The following SH3D21 variants were observed in gnomAD, a reference collection of about 807,000 sequenced individuals.
SH3D21 encodes manchette microtubule inner protein 1, also known as SH3 domain-containing protein 21.
Under a neutral mutation model 82.1 loss-of-function variants are expected in SH3D21, and 83 were observed. The ratio of observed to expected loss-of-function variants is 1.01; its 90% CI spans 0.85 to 1.21. The LOEUF (loss-of-function observed/expected upper bound fraction) is 1.21, where lower values mean the gene tolerates loss of function less well. Among genes scored for constraint, SH3D21 ranks in the 50% most tolerant of loss-of-function variants. The pLI, the probability that SH3D21 is intolerant of heterozygous loss-of-function variation, is 0.00. For missense variants in SH3D21, 980 were observed against 962.1 expected, an observed-to-expected ratio of 1.02 and a Z score of -0.25; for synonymous variants, 383 against 387.8, an observed-to-expected ratio of 0.99 and a Z score of 0.15.
chr1:36,328,385 C>A (rs1387842411), downstream of SH3D21: 2 of 345,882 alleles, frequency 5.8e-6, no homozygotes, highest in Non-Finnish European at 1.1e-5. Flanking sequence ...GAGGGAGACT[C>A]ACCGGGGGCC....
At chr1:36,311,203 C>T (rs542467886) in intron 10 of SH3D21, among the ~76,000 whole-genome samples, 3 of 151,900 alleles carry the variant, frequency 2.0e-5, no homozygotes, top group Admixed American at 1.3e-4. Flanking sequence ...GCCACCGTGC[C>T]TGGCTGAGAT....
At chr1:36,327,862 C>G (rs760297413), downstream of SH3D21, 11 of 1,289,782 alleles carry the variant, frequency 8.5e-6, 1 homozygote, top group South Asian at 1.4e-4. Context: ...TCCACATGCC[C>G]TCCCCACCCC....
At chr1:36,324,330 C>T (rs1342917041), downstream of SH3D21, 1 of 152,276 alleles carries the variant, frequency 6.6e-6, no homozygotes, top group Non-Finnish European at 1.5e-5. Flanking sequence ...AGATCCCACC[C>T]CATCCCGTCC....
Position 36,320,695 on chromosome 1 carries a change from C to A in SH3D21, c.2032C>A (p.Gln678Lys). 1 of 1,614,168 alleles carries A rather than the reference C, an allele frequency of 6.2e-7. No homozygotes were observed. Among genetic ancestry groups the A allele is most frequent in the Non-Finnish European group, 8.5e-7 (1 of 1,180,018 alleles). The change falls in exon 14 of 16, where the codon CAA (glutamine) becomes AAA (lysine). Residue 678 changes from glutamine (Q) to lysine (K), a missense_variant. By Grantham distance (53) the Gln-to-Lys change is moderately conservative (BLOSUM62 1). Coordinates refer to ENST00000453908, the MANE Select transcript of SH3D21 (RefSeq NM_001162530.2). The stretch of plus-strand genomic sequence containing the variant: ...GCTCGCGCTCCCCTCGCTGGTCCCG[C>A]AAAACTACACGGAAAACAAGAATGA... Reference protein sequence around the residue: ...ETLALPSLVPQNYTENKNEGV... With the variant: ...ETLALPSLVPKNYTENKNEGV...
chr1:36,322,191 A>G, downstream of SH3D21: 1 of 1,369,146 alleles, frequency 7.3e-7, no homozygotes, highest in Non-Finnish European at 9.5e-7. Context: ...GCCCAGTAGC[A>G]CCTGGGAGCT....
At chr1:36,318,826 G>A (rs781572564) in intron 10 of SH3D21, among the ~76,000 whole-genome samples, 13 of 151,660 alleles carry the variant, frequency 8.6e-5, no homozygotes, top group Non-Finnish European at 1.2e-4. Flanking sequence ...GAAGAATGGC[G>A]TGAACCAGGG....
At position 36,308,452 on chromosome 1, in the gene SH3D21, A is replaced by G. The variant is rs779411705; in HGVS notation, c.703A>G (p.Asn235Asp). 1.8e-5 allele frequency: 28 copies of G among 1,551,654 alleles called. 1 individual carries two copies. The South Asian group carries it at 2.9e-4, about 16-fold the overall frequency. ...CQGRRGVFPD[N>D]FVLPPPPIKK... ...AGGACGAAGAGGAGTTTTTCCAGAC[A>G]ACTTTGTACTCCCACCACCCCCAGT... The change falls in exon 9 of 16, where the codon AAC becomes GAC. Residue 235 changes from asparagine (N) to aspartate (D), a missense_variant. Physicochemically the swap from Asn to Asp is conservative, Grantham distance 23. Coordinates refer to ENST00000453908, the MANE Select transcript of SH3D21 (RefSeq NM_001162530.2).
downstream of SH3D21, chr1:36,321,394 G>T: frequency 1.5e-6 from 2 of 1,335,320 alleles, no homozygotes; most frequent in South Asian, 1.6e-5. This position sits in a 1 kb window ranked among gnomAD's most constrained non-coding sequence, Gnocchi z 6.1. Flanking sequence ...GGTGAGGGGC[G>T]GGGGAGGGTG....
chr1:36,323,221 G>T (rs1181369910), downstream of SH3D21, among the ~76,000 whole-genome samples: 1 of 152,042 alleles, frequency 6.6e-6, no homozygotes, highest in Non-Finnish European at 1.5e-5. Context: ...CTGTCGGGGG[G>T]AACCCCTCTC....
chr1:36,308,294 T>G (rs750884307), intron 8 of SH3D21, 85 bp downstream of exon 8: 18 of 1,483,774 alleles, frequency 1.2e-5, no homozygotes, highest in African/African-American at 2.8e-5. Context: ...GAATCTAAAA[T>G]AAACGTTGAA....
At chr1:36,322,640 G>C, downstream of SH3D21, 1 of 1,546,114 alleles carries the variant, frequency 6.5e-7, no homozygotes, top group South Asian at 1.2e-5. Flanking sequence ...GCGCCCACGA[G>C]ATGCTGATGA....
downstream of SH3D21, chr1:36,321,634 T>C: frequency 2.0e-6 from 2 of 1,013,946 alleles, no homozygotes; most frequent in Non-Finnish European, 1.2e-6. The surrounding 1 kb of genome is among the most constrained non-coding windows in gnomAD (Gnocchi z 6.1). Context: ...AAGTCCACCG[T>C]CCAGCCCAAG....
In SH3D21 at chr1:36,306,819, C is replaced by T; in HGVS notation, c.163-23C>T. Reference sequence around the variant, plus strand: ...CGCGCCCCCCGGGAGCTGAGAGCGCCTTCCCCGTGCCCTGATTCCCAGGAG... The same window carrying T: ...CGCGCCCCCCGGGAGCTGAGAGCGCTTTCCCCGTGCCCTGATTCCCAGGAG... On this transcript the variant is annotated intron_variant, in intron 2 of 15. Transcript: ENST00000453908. This position sits in a 1 kb window ranked among gnomAD's most constrained non-coding sequence, Gnocchi z 4.5. The T allele has an allele frequency of 7.7e-7, 1 of 1,294,988 alleles. No homozygotes were observed. Among genetic ancestry groups the T allele is most frequent in the South Asian group, 1.2e-5 (1 of 80,780 alleles). The allele number at this position is 1,294,988 out of a possible 1,614,324, so 80.2% of individuals were successfully genotyped here.
intron 9 of SH3D21, 64 bp from the exon 10 acceptor site, chr1:36,309,484 C>A: frequency 1.9e-6 from 3 of 1,541,666 alleles, no homozygotes; most frequent in Non-Finnish European, 1.8e-6. Context: ...CCACGCCTGG[C>A]CTGCATTTTG....
rs999778691 is a variant in SH3D21 at position 36,311,758 on chromosome 1, A to G, written c.769+2168A>G. ...TTGCCCTGGTTAGAGTACAGTGGCA[A>G]TTGTAGCTCATTGCAGCTTCAACCT... On this transcript the variant is annotated intron_variant, in intron 10 of 15. Transcript: ENST00000453908. Among the ~76,000 whole-genome samples, 5 of 151,766 alleles carry G rather than the reference A, an allele frequency of 3.3e-5. 1 individual carries two copies. Among genetic ancestry groups the G allele is most frequent in the African/African-American group, 1.2e-4 (5 of 41,310 alleles).
At chr1:36,313,596 G>A (rs1646281839) in intron 10 of SH3D21, among the ~76,000 whole-genome samples, 1 of 152,070 alleles carries the variant, frequency 6.6e-6, no homozygotes, top group Non-Finnish European at 1.5e-5. Context: ...TGGAGAGACA[G>A]GGTCTTGCTG....
At chr1:36,313,967 A>ATTTTTTTTTTTTTTTTTTTTTTTTTTTTT (rs1207014644) in intron 10 of SH3D21, among the ~76,000 whole-genome samples, 5 of 36,932 alleles carry the variant, frequency 1.4e-4, no homozygotes, top group African/African-American at 3.5e-4. Context: ...TGCTGAACAT[A>ATTTTTTTTTTTTTTTTTTTTTTTTTTTTT]TTTTCTTTTT....
chr1:36,329,466 CA>C (rs1646573324), downstream of SH3D21, among the ~76,000 whole-genome samples: 1 of 152,126 alleles, frequency 6.6e-6, no homozygotes, highest in Non-Finnish European at 1.5e-5. Flanking sequence ...TAATGAAAAA[CA>C]AGCCTTTCAC....
chr1:36,322,466 G>A (rs1460971256), downstream of SH3D21: 3 of 1,604,698 alleles, frequency 1.9e-6, no homozygotes, highest in African/African-American at 2.7e-5. Context: ...AGACGTTGAC[G>A]TTGAGGGGCC....
Sources: gnomAD v4.1 joint callset for allele counts (sites outside exome capture counted in the v4.1 genomes callset) on GRCh38, gnomAD v4.1.1 for gene constraint, Gnocchi (gnomAD v3.1) non-coding constraint, MANE v1.5 for transcripts, NCBI Gene and HGNC (gene_info 2026-07-23, HGNC 2026-07-21) for gene names.